The following NCKAP5 variants were observed in gnomAD, a reference collection of about 807,000 sequenced individuals.
NCKAP5 encodes the protein nck-associated protein 5.
In NCKAP5, 92 loss-of-function variants were observed where a neutral mutation model predicts 167.0. The ratio of observed to expected loss-of-function variants is 0.55; its 90% CI spans 0.47 to 0.66. NCKAP5 has a LOEUF of 0.66. Among genes scored for constraint, NCKAP5 ranks in the 30% least tolerant of loss-of-function variants. The pLI, the probability that NCKAP5 is intolerant of heterozygous loss-of-function variation, is 0.00. For missense variants in NCKAP5, 2,378 were observed against 2,315.0 expected, an observed-to-expected ratio of 1.03 and a Z score of -0.56; for synonymous variants, 891 against 877.4, an observed-to-expected ratio of 1.02 and a Z score of -0.27.
intron 4 of NCKAP5, among the ~76,000 whole-genome samples, chr2:133,226,261 T>TA (rs1438856679): frequency 6.6e-6 from 1 of 152,278 alleles, no homozygotes; most frequent in East Asian, 1.9e-4. Context: ...GTTTTTAGGC[T>TA]AAATTGGAAA....
intron 8 of NCKAP5, among the ~76,000 whole-genome samples, chr2:132,925,281 A>G (rs11897541): frequency 0.35 from 53,523 of 151,810 alleles, 13,038 homozygotes; most frequent in African/African-American, 0.66. Flanking sequence ...CTGGCCAGGC[A>G]CGGTGGCTCA....
intron 3 of NCKAP5, among the ~76,000 whole-genome samples, chr2:133,448,711 C>T (rs1691364178): frequency 6.6e-6 from 1 of 152,136 alleles, no homozygotes; most frequent in South Asian, 2.1e-4. Flanking sequence ...ATGATCACAG[C>T]TTACTACAGC....
the NCKAP5 span, among the ~76,000 whole-genome samples, chr2:133,647,368 GAAGAAAGA>G: frequency 8.1e-4 from 72 of 88,814 alleles, 1 homozygote; most frequent in African/African-American, 3.9e-3. Context: ...AGGAAGGAAG[GAAGAAAGA>G]AAGGAAGGAA....
At chr2:133,292,894 A>G (rs1229865025) in intron 4 of NCKAP5, among the ~76,000 whole-genome samples, 1 of 152,198 alleles carries the variant, frequency 6.6e-6, no homozygotes, top group Admixed American at 6.5e-5. Context: ...TATTAACTAT[A>G]AAGATCCTAG....
intron 5 of NCKAP5, among the ~76,000 whole-genome samples, chr2:133,201,803 T>A (rs954307966): frequency 6.6e-6 from 1 of 152,064 alleles, no homozygotes; most frequent in Non-Finnish European, 1.5e-5. Context: ...AGAAGGCCAT[T>A]CCAGCCACAA....
At chr2:132,821,282 C>A (rs746220812) in intron 11 of NCKAP5, among the ~76,000 whole-genome samples, 1 of 152,126 alleles carries the variant, frequency 6.6e-6, no homozygotes, top group Admixed American at 6.5e-5. Context: ...AGATCACCCA[C>A]GGGAGAAGGA....
intron 6 of NCKAP5, among the ~76,000 whole-genome samples, chr2:133,106,799 C>A (rs1194822602): frequency 2.0e-5 from 3 of 152,172 alleles, no homozygotes; most frequent in Middle Eastern, 3.4e-3. Flanking sequence ...AATGTTATAG[C>A]GAGAAGTTTA....
At chr2:132,982,199 G>T (rs118080888) in intron 7 of NCKAP5, among the ~76,000 whole-genome samples, 1 of 152,296 alleles carries the variant, frequency 6.6e-6, no homozygotes, top group East Asian at 1.9e-4. Context: ...TGCTATGCAC[G>T]CTATCATACA....
chr2:133,482,643 C>A (rs1177860329), intron 3 of NCKAP5, among the ~76,000 whole-genome samples: 1 of 152,094 alleles, frequency 6.6e-6, no homozygotes, highest in Non-Finnish European at 1.5e-5. Flanking sequence ...ATTTCTTTCC[C>A]TTTGGGTAGA....
chr2:132,705,040 C>T (rs1467585376), intron 19 of NCKAP5, among the ~76,000 whole-genome samples: 1 of 152,182 alleles, frequency 6.6e-6, no homozygotes, highest in Non-Finnish European at 1.5e-5. Context: ...CTTTCTGTAT[C>T]TCTCAGGATA....
At chr2:133,087,113 A>G (rs1253703347) in intron 6 of NCKAP5, among the ~76,000 whole-genome samples, 2 of 152,162 alleles carry the variant, frequency 1.3e-5, no homozygotes, top group Non-Finnish European at 2.9e-5. Context: ...GAACAAACTT[A>G]TTTTATCTGA....
rs113680677 is a variant in NCKAP5 at position 132,747,589 on chromosome 2, G to T, written c.5129-15538C>A. ...GGATCCCTGGTTTCCATAGCTGTGTGCCCCAGACACTCCTCTGCAGAGAGG... is the reference window on the plus strand; with the variant it reads ...GGATCCCTGGTTTCCATAGCTGTGTTCCCCAGACACTCCTCTGCAGAGAGG... On this transcript the variant is annotated intron_variant, in intron 16 of 19. Coordinates refer to ENST00000409261, the MANE Select transcript of NCKAP5 (RefSeq NM_207363.3). Among the ~76,000 whole-genome samples the T allele has an allele frequency of 3.7e-3, 562 of 152,254 alleles. 5 individuals carry two copies. Among genetic ancestry groups the T allele is most frequent in the African/African-American group, 0.013 (529 of 41,546 alleles).
intron 3 of NCKAP5, among the ~76,000 whole-genome samples, chr2:133,308,824 C>G (rs1681010992): frequency 6.7e-6 from 1 of 148,198 alleles, no homozygotes; most frequent in East Asian, 2.0e-4. Flanking sequence ...CATTCTCCTG[C>G]CTCAGCCTCC....
At position 133,467,395 on chromosome 2, in the gene NCKAP5, A is replaced by T. The variant is rs1212750448; in HGVS notation, c.69+50063T>A. 3.6e-3 allele frequency among the ~76,000 whole-genome samples: 542 copies of T among 149,866 alleles called. 8 individuals are homozygous for T. Among genetic ancestry groups the T allele is most frequent in the African/African-American group, 0.012 (480 of 40,598 alleles). ...ATGGTGGATAAGCTTTTTGATGTGCAGCTGGATTCATTTTGCCAGTATTTT... is the reference window on the plus strand; with the variant it reads ...ATGGTGGATAAGCTTTTTGATGTGCTGCTGGATTCATTTTGCCAGTATTTT... On this transcript the variant is annotated intron_variant, in intron 3 of 19. Coordinates refer to ENST00000409261, the MANE Select transcript of NCKAP5 (RefSeq NM_207363.3).
At chr2:133,139,620 G>A (rs1041819277) in intron 5 of NCKAP5, among the ~76,000 whole-genome samples, 26 of 152,158 alleles carry the variant, frequency 1.7e-4, no homozygotes, top group African/African-American at 6.3e-4. Flanking sequence ...TGAGGAGAAT[G>A]ACAGAATCTA....
the NCKAP5 span, among the ~76,000 whole-genome samples, chr2:133,671,710 A>G: frequency 1.3e-5 from 2 of 151,798 alleles, no homozygotes; most frequent in Admixed American, 1.3e-4. Flanking sequence ...TTATTTATAA[A>G]TTACCCAGTT....
chr2:133,464,635 A>G (rs1262327408), intron 3 of NCKAP5, among the ~76,000 whole-genome samples: 1 of 152,188 alleles, frequency 6.6e-6, no homozygotes, highest in African/African-American at 2.4e-5. Context: ...GCTTTCAGTG[A>G]GCCGAGATCC....
intron 6 of NCKAP5, among the ~76,000 whole-genome samples, chr2:133,058,133 A>C (rs2149506165): frequency 6.6e-6 from 1 of 152,306 alleles, no homozygotes; most frequent in East Asian, 1.9e-4. Flanking sequence ...AGAAAAAAAA[A>C]AATTCCTTTC....
At chr2:133,386,760 GT>G (rs2150971986) in intron 3 of NCKAP5, among the ~76,000 whole-genome samples, 1 of 152,328 alleles carries the variant, frequency 6.6e-6, no homozygotes, top group South Asian at 2.1e-4. Flanking sequence ...ATTTAGGATA[GT>G]TAGCTCTTCT....
Sources: gnomAD v4.1 joint callset for allele counts (sites outside exome capture counted in the v4.1 genomes callset) on GRCh38, gnomAD v4.1.1 for gene constraint, MANE v1.5 for transcripts, NCBI Gene and HGNC (gene_info 2026-07-23, HGNC 2026-07-21) for gene names.